Variants in DAB1 observed in about 807,000 individuals in gnomAD.
DAB1 encodes disabled homolog 1.
A neutral mutation model predicts 64.6 loss-of-function variants in DAB1; 15 were observed. The observed-to-expected ratio is 0.23, with a 90% CI of 0.16 to 0.36. The LOEUF (loss-of-function observed/expected upper bound fraction) is 0.36. DAB1 is among the 10% of genes least tolerant of loss of function. The pLI is 1.00. For synonymous variants in DAB1, 235 were observed against 251.9 expected (o/e 0.93, Z 0.64); for missense variants, 596 against 706.7 (o/e 0.84, Z 1.78).
intron 7 of DAB1, among the ~76,000 whole-genome samples, chr1:57,558,523 A>C (rs2101497587): frequency 6.6e-6 from 1 of 152,338 alleles, no homozygotes; most frequent in South Asian, 2.1e-4. Context: ...AGTCATGGGA[A>C]TGGATACTGC....
intron 7 of DAB1, among the ~76,000 whole-genome samples, chr1:57,431,172 A>T (rs1011574064): frequency 1.3e-5 from 2 of 151,898 alleles, no homozygotes; most frequent in African/African-American, 4.8e-5. Context: ...AACAAAAAAA[A>T]AGAAGACAGA....
In DAB1 at chr1:57,023,648, C is replaced by A; in HGVS notation, c.787-9G>T. The A allele has an allele frequency of 6.5e-7, 1 of 1,549,450 alleles. No homozygotes were observed. On this transcript the variant is annotated splice_polypyrimidine_tract_variant and intron_variant, in intron 10 of 14. Coordinates refer to ENST00000371236, the MANE Select transcript of DAB1 (RefSeq NM_001365792.1). Reference sequence around the variant, plus strand: ...CCTGGAGTTGCAGGAGTCTGCCAGACAGAGAGAGGCAGAGGACACATGAGA... The same window carrying A: ...CCTGGAGTTGCAGGAGTCTGCCAGAAAGAGAGAGGCAGAGGACACATGAGA...
At chr1:57,023,698 G>T in intron 10 of DAB1, 59 bp from the exon 11 acceptor site, 2 of 1,140,682 alleles carry the variant, frequency 1.8e-6, no homozygotes, top group Non-Finnish European at 2.6e-6. Flanking sequence ...CATCAAGGCT[G>T]GGAGGTAGCA....
intron 2 of DAB1, among the ~76,000 whole-genome samples, chr1:57,245,157 G>C (rs1186517873): frequency 6.6e-6 from 1 of 152,184 alleles, no homozygotes; most frequent in African/African-American, 2.4e-5. Flanking sequence ...GAACTTATTG[G>C]GAACTGGAGT....
At chr1:57,723,767 T>G (rs1647176177) in intron 6 of DAB1, among the ~76,000 whole-genome samples, 1 of 152,180 alleles carries the variant, frequency 6.6e-6, no homozygotes. Flanking sequence ...CCACATGGCT[T>G]TTTTTTGTTT....
At chr1:58,155,346 T>C (rs1026766264) in intron 4 of DAB1, among the ~76,000 whole-genome samples, 2 of 152,148 alleles carry the variant, frequency 1.3e-5, no homozygotes, top group African/African-American at 4.8e-5. Flanking sequence ...AATTAGGGGA[T>C]TGGTACTACA....
chr1:57,082,178 C>A (rs1201333410), intron 4 of DAB1, among the ~76,000 whole-genome samples: 1 of 152,098 alleles, frequency 6.6e-6, no homozygotes, highest in East Asian at 1.9e-4. Context: ...TATCCTTTTA[C>A]ATTTTGTGTT....
chr1:58,226,967 A>G (rs992480263), intron 4 of DAB1, among the ~76,000 whole-genome samples: 4 of 152,194 alleles, frequency 2.6e-5, no homozygotes, highest in Non-Finnish European at 2.9e-5. Context: ...ATTACCCTCA[A>G]TGCTAGTTAT....
chr1:58,064,898 A>G (rs1648755989), intron 5 of DAB1, among the ~76,000 whole-genome samples: 1 of 151,740 alleles, frequency 6.6e-6, no homozygotes, highest in South Asian at 2.1e-4. Flanking sequence ...AATTTTTTGT[A>G]TTTTTAGTAG....
intron 3 of DAB1, among the ~76,000 whole-genome samples, chr1:58,434,008 A>AGGTAGAAG (rs1221362367): frequency 2.0e-5 from 3 of 152,126 alleles, no homozygotes; most frequent in Non-Finnish European, 4.4e-5. Flanking sequence ...GAGGCCAATG[A>AGGTAGAAG]GGTAGAAGTA....
At chr1:57,513,724 G>A (rs754821151) in intron 7 of DAB1, among the ~76,000 whole-genome samples, 5 of 152,086 alleles carry the variant, frequency 3.3e-5, no homozygotes, top group Admixed American at 1.3e-4. Context: ...CTCCCTTGGC[G>A]ATTTTCAAGT....
At chr1:57,402,749 G>A (rs1683348438) in intron 1 of DAB1, among the ~76,000 whole-genome samples, 1 of 152,194 alleles carries the variant, frequency 6.6e-6, no homozygotes, top group South Asian at 2.1e-4. Flanking sequence ...TAGCTTGCAA[G>A]TATACTGTCA....
At chr1:57,130,426 T>G (rs983715907) in intron 4 of DAB1, among the ~76,000 whole-genome samples, 2 of 152,068 alleles carry the variant, frequency 1.3e-5, no homozygotes, top group African/African-American at 4.8e-5. Context: ...TCCAAAGAAA[T>G]GAAATCAGTG....
chr1:57,990,531 A>G (rs893617830), intron 5 of DAB1, among the ~76,000 whole-genome samples: 9 of 152,214 alleles, frequency 5.9e-5, no homozygotes, highest in African/African-American at 2.2e-4. Flanking sequence ...TAATCCACCC[A>G]CTGAAAGGCA....
At chr1:57,530,445 A>G (rs1451792941) in intron 7 of DAB1, among the ~76,000 whole-genome samples, 1 of 151,976 alleles carries the variant, frequency 6.6e-6, no homozygotes, top group Non-Finnish European at 1.5e-5. Flanking sequence ...TGTTTAAGGA[A>G]ACAAATTTGT....
chr1:57,209,387 G>A (rs996812670), intron 2 of DAB1, among the ~76,000 whole-genome samples: 1 of 152,168 alleles, frequency 6.6e-6, no homozygotes, highest in Non-Finnish European at 1.5e-5. Context: ...TAAATGAATT[G>A]GGGGAAGTCT....
chr1:58,310,129 G>T (rs1430323574), intron 4 of DAB1, among the ~76,000 whole-genome samples: 1 of 152,062 alleles, frequency 6.6e-6, no homozygotes, highest in African/African-American at 2.4e-5. Flanking sequence ...ATGCCCTAAA[G>T]AGAATATCAC....
chr1:58,134,723 A>G (rs1022362556), intron 5 of DAB1, among the ~76,000 whole-genome samples: 1 of 152,142 alleles, frequency 6.6e-6, no homozygotes, highest in African/African-American at 2.4e-5. Flanking sequence ...ATCACGAGAA[A>G]GCACTAGCAG....
intron 3 of DAB1, among the ~76,000 whole-genome samples, chr1:58,413,188 C>T (rs1282531863): frequency 6.6e-6 from 1 of 152,168 alleles, no homozygotes; most frequent in African/African-American, 2.4e-5. Context: ...GTATCTCCCT[C>T]ATGTCAGTGA....
Sources: allele counts gnomAD v4.1 joint callset (sites outside exome capture counted in the v4.1 genomes callset), GRCh38; gene constraint gnomAD v4.1.1; transcripts MANE v1.5; gene names NCBI Gene and HGNC (gene_info 2026-07-23, HGNC 2026-07-21).